NKAIN2: variants seen among roughly 807,000 people sequenced by gnomAD.
NKAIN2 encodes sodium/potassium-transporting ATPase subunit beta-1-interacting protein 2.
Under a neutral mutation model 32.6 loss-of-function variants are expected in NKAIN2, and 14 were observed. That is an observed-to-expected ratio of 0.43 (90% CI 0.28 to 0.67). The LOEUF (loss-of-function observed/expected upper bound fraction) is 0.67, where lower values mean the gene tolerates loss of function less well. NKAIN2 is among the 30% of genes least tolerant of loss of function. The pLI, the probability that NKAIN2 is intolerant of heterozygous loss-of-function variation, is 0.17. For missense variants in NKAIN2, 198 were observed against 258.3 expected (o/e 0.77, Z 1.60); for synonymous variants, 80 against 87.2 (o/e 0.92, Z 0.46).
At chr6:124,786,042 A>G (rs1779485924) in intron 4 of NKAIN2, among the ~76,000 whole-genome samples, 1 of 152,056 alleles carries the variant, frequency 6.6e-6, no homozygotes, top group Non-Finnish European at 1.5e-5. Flanking sequence ...AAGAGGTACT[A>G]TCACTGTAAA....
chr6:124,793,871 A>G (rs1033970802), intron 5 of NKAIN2, among the ~76,000 whole-genome samples: 8 of 152,172 alleles, frequency 5.3e-5, no homozygotes, highest in African/African-American at 1.9e-4. Flanking sequence ...AAAACCAGAA[A>G]GAGTTCTAAG....
At chr6:124,225,991 G>C (rs1249449294) in intron 1 of NKAIN2, among the ~76,000 whole-genome samples, 3 of 151,870 alleles carry the variant, frequency 2.0e-5, no homozygotes, top group Admixed American at 6.6e-5. Context: ...TATGTTTTTG[G>C]CCTTCTGTTT....
intron 4 of NKAIN2, among the ~76,000 whole-genome samples, chr6:124,727,181 C>T (rs1383439347): frequency 6.0e-5 from 9 of 150,872 alleles, no homozygotes; most frequent in Middle Eastern, 3.4e-3. Flanking sequence ...GGCAGGCCAA[C>T]GTTCAGATTC....
chr6:124,725,719 T>A (rs1776253904), intron 4 of NKAIN2, among the ~76,000 whole-genome samples: 1 of 152,162 alleles, frequency 6.6e-6, no homozygotes, highest in Non-Finnish European at 1.5e-5. Flanking sequence ...GATGGCCGAA[T>A]AGGAACAGCT....
intron 4 of NKAIN2, among the ~76,000 whole-genome samples, chr6:124,776,044 C>A (rs142862575): frequency 3.6e-4 from 55 of 152,288 alleles, no homozygotes; most frequent in African/African-American, 1.3e-3. Context: ...CTGAGGCTGG[C>A]AGCTCTGGCA....
At chr6:123,986,804 G>T (rs1014656109) in intron 1 of NKAIN2, among the ~76,000 whole-genome samples, 13 of 152,208 alleles carry the variant, frequency 8.5e-5, no homozygotes, top group African/African-American at 3.1e-4. Flanking sequence ...ATCAGGTACG[G>T]TTTCACTCAA....
intron 1 of NKAIN2, among the ~76,000 whole-genome samples, chr6:123,816,046 G>T (rs1322743805): frequency 1.3e-5 from 2 of 152,098 alleles, no homozygotes; most frequent in East Asian, 3.9e-4. Flanking sequence ...CAATATATGT[G>T]GTACTAGTAT....
intron 4 of NKAIN2, among the ~76,000 whole-genome samples, chr6:124,703,367 A>C (rs1323014651): frequency 6.6e-6 from 1 of 152,106 alleles, no homozygotes; most frequent in Non-Finnish European, 1.5e-5. Context: ...AGTACTGATT[A>C]CCGCTTAGCA....
At chr6:124,141,005 A>G (rs1011562062) in intron 1 of NKAIN2, among the ~76,000 whole-genome samples, 1 of 152,216 alleles carries the variant, frequency 6.6e-6, no homozygotes, top group African/African-American at 2.4e-5. Flanking sequence ...AGAGAATAAT[A>G]CTTCTCCAAT....
At chr6:124,336,768 G>A (rs565559867) in intron 2 of NKAIN2, among the ~76,000 whole-genome samples, 13 of 151,404 alleles carry the variant, frequency 8.6e-5, no homozygotes, top group African/African-American at 2.4e-4. Context: ...CTGCCTCCTG[G>A]GTTCAAGCAA....
At chr6:124,706,700 G>A (rs1775087752) in intron 4 of NKAIN2, among the ~76,000 whole-genome samples, 1 of 152,132 alleles carries the variant, frequency 6.6e-6, no homozygotes, top group Non-Finnish European at 1.5e-5. Flanking sequence ...TTAGAACATG[G>A]ATGCCACAAC....
At chr6:123,926,478 CAGT>C in intron 1 of NKAIN2, among the ~76,000 whole-genome samples, 12 of 151,858 alleles carry the variant, frequency 7.9e-5, no homozygotes, top group Admixed American at 5.9e-4. Context: ...ATTGCTGCTG[CAGT>C]GTTCCCCAGA....
At chr6:124,649,579 T>C (rs1316241642) in intron 3 of NKAIN2, among the ~76,000 whole-genome samples, 1 of 152,142 alleles carries the variant, frequency 6.6e-6, no homozygotes. Context: ...TTTCAGAAGA[T>C]AGAAGCAGAG....
At chr6:124,664,313 T>C (rs969314664) in intron 4 of NKAIN2, among the ~76,000 whole-genome samples, 1 of 151,746 alleles carries the variant, frequency 6.6e-6, no homozygotes, top group Non-Finnish European at 1.5e-5. Context: ...TCATATCAAA[T>C]AAAATTTTAT....
At chr6:124,601,659 A>G (rs1782312911) in intron 3 of NKAIN2, among the ~76,000 whole-genome samples, 1 of 152,088 alleles carries the variant, frequency 6.6e-6, no homozygotes, top group Admixed American at 6.6e-5. Context: ...CAGCAGGGCA[A>G]GACATGAAAC....
At chr6:124,805,317 C>T (rs1241800927) in intron 5 of NKAIN2, among the ~76,000 whole-genome samples, 1 of 152,160 alleles carries the variant, frequency 6.6e-6, no homozygotes, top group Admixed American at 6.5e-5. Flanking sequence ...GATCAGACAG[C>T]GGCATTCGCG....
At chr6:124,035,598 T>A (rs1781574651) in intron 1 of NKAIN2, among the ~76,000 whole-genome samples, 1 of 152,062 alleles carries the variant, frequency 6.6e-6, no homozygotes, top group Non-Finnish European at 1.5e-5. Flanking sequence ...CTTTATTTTA[T>A]CTATGACTTG....
intron 1 of NKAIN2, among the ~76,000 whole-genome samples, chr6:124,156,880 A>G (rs1469144944): frequency 1.3e-5 from 2 of 151,892 alleles, no homozygotes. Context: ...AGGCAGGTGG[A>G]ACACTTGAGG....
At chr6:124,079,922 G>T (rs1022554178) in intron 1 of NKAIN2, among the ~76,000 whole-genome samples, 1 of 151,826 alleles carries the variant, frequency 6.6e-6, no homozygotes, top group Non-Finnish European at 1.5e-5. Flanking sequence ...GGTGGGGTTG[G>T]GGGGTGGCAT....
Sources: gnomAD v4.1 joint callset for allele counts (sites outside exome capture counted in the v4.1 genomes callset) on GRCh38, gnomAD v4.1.1 for gene constraint, MANE v1.5 for transcripts, NCBI Gene and HGNC (gene_info 2026-07-23, HGNC 2026-07-21) for gene names.